The following CCDC88A variants were observed in gnomAD, a reference collection of about 807,000 sequenced individuals.
CCDC88A encodes the protein girdin.
CCDC88A carries 54 observed loss-of-function variants against 234.3 expected under a neutral mutation model. The observed-to-expected ratio is 0.23, with a 90% CI of 0.19 to 0.29. The LOEUF (loss-of-function observed/expected upper bound fraction) is 0.29. Among genes scored for constraint, CCDC88A ranks in the 10% least tolerant of loss-of-function variants. The pLI, the probability that CCDC88A is intolerant of heterozygous loss-of-function variation, is 1.00. For missense variants in CCDC88A, 1,832 were observed against 2,123.4 expected, an observed-to-expected ratio of 0.86 and a Z score of 2.70; for synonymous variants, 753 against 737.8, an observed-to-expected ratio of 1.02 and a Z score of -0.33.
chr2:55,353,348 T>C (rs953520056), intron 8 of CCDC88A, among the ~76,000 whole-genome samples: 1 of 152,168 alleles, frequency 6.6e-6, no homozygotes, highest in Non-Finnish European at 1.5e-5. Context: ...ATTTAGACTA[T>C]CCATTAACTG....
rs777711993 is a variant in CCDC88A at position 55,334,686 on chromosome 2, G to A, written c.2135C>T (p.Ser712Phe). ...CATTTTCATGCTTGCACACTTCAAAGATTCTACATTCCTTCGCAGTTCTAA... is the reference window on the plus strand; with the variant it reads ...CATTTTCATGCTTGCACACTTCAAAAATTCTACATTCCTTCGCAGTTCTAA... ...ENLELRRNVE[S>F]LKCASMKMAQ... Residue 712 changes from serine to phenylalanine, a missense_variant, in exon 15 of 33, where the codon TCT becomes TTT. Ser to Phe is a radical substitution (Grantham distance 155). Coordinates refer to ENST00000436346, the MANE Select transcript of CCDC88A (RefSeq NM_001365480.1). This position sits in a 1 kb window ranked among gnomAD's most constrained non-coding sequence, Gnocchi z 6.1. 2 of 1,613,672 alleles carry A rather than the reference G, an allele frequency of 1.2e-6. No homozygotes were observed. The highest frequency in any genetic ancestry group is 1.7e-6 in the Non-Finnish European group (2 of 1,179,776).
In CCDC88A at chr2:55,391,739, G is replaced by A. The variant is rs1042489537; in HGVS notation, c.165-2853C>T. Reference sequence around the variant, plus strand: ...CCAAAGAAGCATGGAGAAGAGGGGAGAAAAAGCTGAAATGAATGAACAGAG... The same window carrying A: ...CCAAAGAAGCATGGAGAAGAGGGGAAAAAAAGCTGAAATGAATGAACAGAG... On this transcript the variant is annotated intron_variant, in intron 2 of 32. Coordinates refer to ENST00000436346, the MANE Select transcript of CCDC88A (RefSeq NM_001365480.1). Among the ~76,000 whole-genome samples the A allele has an allele frequency of 2.6e-5, 4 of 152,196 alleles. No homozygotes were observed. In the Middle Eastern group the frequency reaches 0.01, roughly 391 times the overall value.
chr2:55,353,688 CT>C (rs1194219787), intron 8 of CCDC88A, among the ~76,000 whole-genome samples: 1 of 146,460 alleles, frequency 6.8e-6, no homozygotes, highest in African/African-American at 2.5e-5. Context: ...AACAAAAATC[CT>C]TTGTTCTTTT....
intron 8 of CCDC88A, among the ~76,000 whole-genome samples, chr2:55,352,030 T>C (rs951913907): frequency 6.6e-6 from 1 of 152,134 alleles, no homozygotes; most frequent in African/African-American, 2.4e-5. Flanking sequence ...GGCAAAGTCA[T>C]GGAAACAGAA....
chr2:55,305,538 A>C (rs1681446693), intron 25 of CCDC88A, among the ~76,000 whole-genome samples: 1 of 151,962 alleles, frequency 6.6e-6, no homozygotes, highest in Non-Finnish European at 1.5e-5. Context: ...GTGTATGCTT[A>C]TATCTGAATT....
At chr2:55,344,633 A>G (rs1668873281) in intron 10 of CCDC88A, 119 bp from the exon 11 acceptor site, 1 of 491,448 alleles carries the variant, frequency 2.0e-6, no homozygotes. Flanking sequence ...GAGGAAACCT[A>G]CTGAGTAATA....
chr2:55,363,471 A>G (rs1671569932), intron 6 of CCDC88A: 1 of 152,056 alleles, frequency 6.6e-6, no homozygotes, highest in South Asian at 2.1e-4. Context: ...GACACTGCAC[A>G]ATATGCCCTA....
chr2:55,414,748 C>CA (rs1681066745), intron 2 of CCDC88A, among the ~76,000 whole-genome samples: 1 of 152,078 alleles, frequency 6.6e-6, no homozygotes, highest in Non-Finnish European at 1.5e-5. Context: ...TCTTAATAAA[C>CA]ATTTTAGATG....
In CCDC88A at chr2:55,288,171, GAC is replaced by G. The variant is rs1406570450; in HGVS notation, c.*3027_*3028del. 1 of 152,554 alleles carries G rather than the reference GAC, an allele frequency of 6.6e-6. No homozygotes were observed. Among genetic ancestry groups the G allele is most frequent in the African/African-American group, 2.4e-5 (1 of 41,430 alleles). The allele number at this position is 152,554 out of a possible 1,614,324, so 9.5% of individuals were successfully genotyped here. ...GAAAACCCTTAATAGAAAAGAAAAA[GAC>G]AATTTAAAATTAGATTTTGTTGAAG... On this transcript the variant is annotated 3_prime_UTR_variant, in exon 33 of 33. Coordinates refer to ENST00000436346, the MANE Select transcript of CCDC88A (RefSeq NM_001365480.1).
At chr2:55,326,361 T>A (rs896363561) in intron 17 of CCDC88A, among the ~76,000 whole-genome samples, 26 of 152,078 alleles carry the variant, frequency 1.7e-4, no homozygotes, top group African/African-American at 4.8e-4. Context: ...CCTTTTTTGG[T>A]CATATTACCT....
intron 29 of CCDC88A, 47 bp downstream of exon 29, chr2:55,299,792 A>G (rs1228203004): frequency 4.7e-6 from 6 of 1,268,884 alleles, no homozygotes; most frequent in Non-Finnish European, 6.9e-6. Context: ...CCACCTTTAA[A>G]TACTGGAAAT....
chr2:55,350,525 A>G (rs1003301410), intron 8 of CCDC88A: 1 of 151,428 alleles, frequency 6.6e-6, no homozygotes, highest in Non-Finnish European at 1.5e-5. Flanking sequence ...CTGTTCTTTA[A>G]TAATAAAGTA....
At chr2:55,363,908 A>T in intron 6 of CCDC88A, 42 bp downstream of exon 6, 1 of 1,082,852 alleles carries the variant, frequency 9.2e-7, no homozygotes, top group African/African-American at 1.6e-5. Flanking sequence ...AACACACCAC[A>T]AGCTTCATAA....
At chr2:55,346,715 C>T (rs969149919) in intron 9 of CCDC88A, among the ~76,000 whole-genome samples, 31 of 152,058 alleles carry the variant, frequency 2.0e-4, no homozygotes, top group Non-Finnish European at 2.1e-4. Flanking sequence ...CCACCGCACT[C>T]GGCTGATAAA....
intron 3 of CCDC88A, among the ~76,000 whole-genome samples, chr2:55,383,464 C>CA (rs772400182): frequency 1.4e-4 from 21 of 149,838 alleles, no homozygotes; most frequent in Admixed American, 5.3e-4. Flanking sequence ...ATTAAAAATA[C>CA]AAAAAAAAAT....
At chr2:55,355,007 C>A (rs1670375529) in intron 8 of CCDC88A, among the ~76,000 whole-genome samples, 1 of 150,050 alleles carries the variant, frequency 6.7e-6, no homozygotes, top group African/African-American at 2.5e-5. Context: ...TTTTTCAGCA[C>A]CATTGTAATG....
intron 3 of CCDC88A, among the ~76,000 whole-genome samples, chr2:55,380,223 G>T (rs998226486): frequency 6.6e-6 from 1 of 151,968 alleles, no homozygotes; most frequent in South Asian, 2.1e-4. Flanking sequence ...GCGACAGAGC[G>T]AGACTCCATC....
intron 2 of CCDC88A, among the ~76,000 whole-genome samples, chr2:55,393,062 T>C (rs751116527): frequency 6.6e-6 from 1 of 152,068 alleles, no homozygotes; most frequent in Non-Finnish European, 1.5e-5. Context: ...AAAACCTTGT[T>C]GGGATTTACT....
At chr2:55,394,143 T>C (rs1341931979) in intron 2 of CCDC88A, 1 of 152,152 alleles carries the variant, frequency 6.6e-6, no homozygotes, top group Admixed American at 6.6e-5. Context: ...ATGTTCTCAT[T>C]GTTCAATTCC....
Sources: gnomAD v4.1 joint callset for allele counts (sites outside exome capture counted in the v4.1 genomes callset) on GRCh38, gnomAD v4.1.1 for gene constraint, Gnocchi (gnomAD v3.1) non-coding constraint, MANE v1.5 for transcripts, NCBI Gene and HGNC (gene_info 2026-07-23, HGNC 2026-07-21) for gene names.